Variants in PAPOLG observed in about 807,000 individuals in gnomAD.
PAPOLG encodes the protein PAP-gamma.
In PAPOLG, 40 loss-of-function variants were observed where a neutral mutation model predicts 99.0. The ratio of observed to expected loss-of-function variants is 0.40; its 90% confidence interval spans 0.31 to 0.53. The LOEUF (loss-of-function observed/expected upper bound fraction) is 0.53, where lower values mean the gene tolerates loss of function less well. Ranked by LOEUF, PAPOLG falls within the 20% of genes least tolerant of loss-of-function variation. The probability of loss-of-function intolerance (pLI) is 0.41; values close to 1 mark genes in which losing one functional copy is unlikely to be tolerated. For synonymous variants in PAPOLG, 310 were observed against 299.3 expected, an observed-to-expected ratio of 1.04 and a Z score of -0.37; for missense variants, 675 against 884.1, an observed-to-expected ratio of 0.76 and a Z score of 3.00.
intron 1 of PAPOLG, among the ~76,000 whole-genome samples, chr2:60,758,422 A>ATTTTTT (rs11340370): frequency 1.4e-5 from 1 of 70,078 alleles, no homozygotes; most frequent in Non-Finnish European, 2.6e-5. Flanking sequence ...GCCTAATGAG[A>ATTTTTT]TTTTTTTTTT....
intron 5 of PAPOLG, among the ~76,000 whole-genome samples, chr2:60,770,087 A>C (rs181416073): frequency 1.8e-4 from 27 of 152,306 alleles, no homozygotes; most frequent in Admixed American, 1.5e-3. Context: ...CCTGCAAAGA[A>C]CATGAACTCA....
chr2:60,792,094 C>T (rs1254752929), intron 16 of PAPOLG, 35 bp from the exon 17 acceptor site: 1 of 1,555,130 alleles, frequency 6.4e-7, no homozygotes, highest in East Asian at 2.3e-5. Flanking sequence ...TTGTCATTTG[C>T]ATTTTGAAAT....
At chr2:60,761,896 G>C in intron 3 of PAPOLG, 89 bp downstream of exon 3, 1 of 924,612 alleles carries the variant, frequency 1.1e-6, no homozygotes, top group Non-Finnish European at 1.7e-6. Context: ...AGAAGTATCT[G>C]AAATACATCA....
chr2:60,783,879 A>ATGTTGCTTCT (rs1671278283), intron 13 of PAPOLG, among the ~76,000 whole-genome samples: 1 of 152,226 alleles, frequency 6.6e-6, no homozygotes, highest in Non-Finnish European at 1.5e-5. Context: ...ACATGTATAG[A>ATGTTGCTTCT]TGTTGCTTCT....
chr2:60,771,759 A>C (rs183037746), intron 7 of PAPOLG, 129 bp downstream of exon 7: 28 of 961,328 alleles, frequency 2.9e-5, no homozygotes. Flanking sequence ...CCTTATACAG[A>C]TAATGTGACC....
intron 1 of PAPOLG, among the ~76,000 whole-genome samples, chr2:60,758,163 A>C (rs1670405995): frequency 6.6e-6 from 1 of 152,204 alleles, no homozygotes; most frequent in South Asian, 2.1e-4. Context: ...ATATATTTAC[A>C]TATGTATTAC....
At chr2:60,780,263 CT>C (rs1326710728) in intron 9 of PAPOLG, among the ~76,000 whole-genome samples, 3 of 150,020 alleles carry the variant, frequency 2.0e-5, no homozygotes, top group African/African-American at 7.4e-5. Flanking sequence ...CCTTTGTATA[CT>C]TTCTTACCTA....
At chr2:60,787,372 T>C in intron 14 of PAPOLG, 139 bp from the exon 15 acceptor site, 5 of 1,141,884 alleles carry the variant, frequency 4.4e-6, no homozygotes, top group Non-Finnish European at 6.1e-6. Flanking sequence ...GGATGTCACT[T>C]TTAAGAATCT....
intron 1 of PAPOLG, among the ~76,000 whole-genome samples, chr2:60,758,726 G>T (rs1019273935): frequency 3.3e-5 from 5 of 152,072 alleles, no homozygotes; most frequent in Non-Finnish European, 5.9e-5. Flanking sequence ...ACCACGCCCG[G>T]CCTCTAATGA....
At chr2:60,793,781 C>A (rs1671613863) in intron 18 of PAPOLG, 66 bp downstream of exon 18, 1 of 1,534,238 alleles carries the variant, frequency 6.5e-7, no homozygotes, top group East Asian at 2.5e-5. Context: ...CATGGTGGCA[C>A]ACGCCTGTAG....
intron 17 of PAPOLG, 36 bp downstream of exon 17, chr2:60,792,325 CT>C (rs776857683): frequency 1.7e-4 from 264 of 1,542,142 alleles, no homozygotes; most frequent in Non-Finnish European, 2.2e-4. Flanking sequence ...TTTTGGTTTT[CT>C]GTTCAGTTTA....
At position 60,801,637 on chromosome 2, in the gene PAPOLG, A is replaced by G. The variant is rs1671834546; in HGVS notation, c.*4477A>G. On this transcript the variant is annotated 3_prime_UTR_variant, in exon 22 of 22. Coordinates refer to ENST00000238714, the MANE Select transcript of PAPOLG (RefSeq NM_022894.4). ...TAATTTTTGTAGAGATGGGGTTTCA[A>G]CATGTTGGCCAGGCTGGTCTCAAAC... 6.6e-6 allele frequency: 1 copy of G among 151,960 alleles called. No homozygotes were observed. Among genetic ancestry groups the G allele is most frequent in the Non-Finnish European group, 1.5e-5 (1 of 67,984 alleles). The allele number at this position is 151,960 out of a possible 1,614,324, so 9.4% of individuals were successfully genotyped here.
intron 21 of PAPOLG, among the ~76,000 whole-genome samples, chr2:60,795,531 G>T (rs866300272): frequency 2.0e-5 from 3 of 152,014 alleles, no homozygotes; most frequent in African/African-American, 7.2e-5. Flanking sequence ...CTAAAAATGT[G>T]TGTAGTATTA....
chr2:60,793,901 G>C, intron 18 of PAPOLG, 70 bp from the exon 19 acceptor site: 1 of 1,500,016 alleles, frequency 6.7e-7, no homozygotes, highest in African/African-American at 1.4e-5. Flanking sequence ...ATGGGAATGA[G>C]AGACCCTGTC....
At chr2:60,795,213 TA>T in intron 21 of PAPOLG, 193 bp downstream of exon 21, 1 of 662,518 alleles carries the variant, frequency 1.5e-6, no homozygotes, top group Middle Eastern at 2.6e-4. Flanking sequence ...CTCAAAAGTC[TA>T]AAAAAGAGGC....
chr2:60,784,410 G>A (rs1056024788), intron 13 of PAPOLG, among the ~76,000 whole-genome samples: 1 of 152,160 alleles, frequency 6.6e-6, no homozygotes, highest in Non-Finnish European at 1.5e-5. Flanking sequence ...GATATTTGTG[G>A]TCAAGAAGTA....
chr2:60,772,404 G>A (rs764521427), intron 7 of PAPOLG, among the ~76,000 whole-genome samples: 10 of 147,746 alleles, frequency 6.8e-5, no homozygotes, highest in African/African-American at 2.0e-4. Flanking sequence ...CCGTGATTAC[G>A]CCACTGCACT....
chr2:60,793,441 A>G (rs993244744), intron 17 of PAPOLG, 186 bp from the exon 18 acceptor site: 1 of 173,810 alleles, frequency 5.8e-6, no homozygotes, highest in East Asian at 2.0e-4. Context: ...GCACACACCT[A>G]TGTTCTTAGC....
chr2:60,756,393 A>G lies in PAPOLG; in HGVS notation c.-86A>G, dbSNP rs1049133376. On this transcript the variant is annotated 5_prime_UTR_variant, in exon 1 of 22. Coordinates refer to ENST00000238714, the MANE Select transcript of PAPOLG (RefSeq NM_022894.4). ...GAGCAAGCGAGCTACTAGCGACCGGAGGAAAGTGAACAGGGGGAGAAGGGA... is the reference window on the plus strand; with the variant it reads ...GAGCAAGCGAGCTACTAGCGACCGGGGGAAAGTGAACAGGGGGAGAAGGGA... 1 of 1,577,482 alleles carries G rather than the reference A, an allele frequency of 6.3e-7. No homozygotes were observed. The highest frequency in any genetic ancestry group is 1.3e-5 in the African/African-American group (1 of 74,158).
Sources: gnomAD v4.1 joint callset for allele counts (sites outside exome capture counted in the v4.1 genomes callset) on GRCh38, gnomAD v4.1.1 for gene constraint, MANE v1.5 for transcripts, NCBI Gene and HGNC (gene_info 2026-07-23, HGNC 2026-07-21) for gene names.